The following XIRP2 variants were observed in gnomAD, a reference collection of about 807,000 sequenced individuals.
XIRP2 encodes xin actin binding repeat containing 2.
In XIRP2, 236 loss-of-function variants were observed where a neutral mutation model predicts 277.0. That is an observed-to-expected ratio of 0.85 (90% CI 0.77 to 0.95). The LOEUF (loss-of-function observed/expected upper bound fraction) is 0.95. Among genes scored for constraint, XIRP2 ranks in the 40% least tolerant of loss-of-function variants. The probability of loss-of-function intolerance (pLI) is 0.00; values close to 1 mark genes in which losing one functional copy is unlikely to be tolerated. For synonymous variants in XIRP2, 1,490 were observed against 1,416.5 expected, an observed-to-expected ratio of 1.05 and a Z score of -1.17; for missense variants, 4,640 against 4,157.5, an observed-to-expected ratio of 1.12 and a Z score of -3.19.
chr2:167,083,750 T>C lies in XIRP2; in HGVS notation c.409-52159T>C, dbSNP rs187632345. On this transcript the variant is annotated intron_variant, in intron 2 of 10. Coordinates refer to ENST00000409195, the MANE Select transcript of XIRP2 (RefSeq NM_152381.6). ...TCATGATTTGGCTCTCTGTCTGTTG[T>C]TGGTGTATAAGAATGCTTGTGATTT... 4.6e-3 allele frequency among the ~76,000 whole-genome samples: 706 copies of C among 152,148 alleles called. 5 individuals are homozygous for C. The highest frequency in any genetic ancestry group is 0.017 in the African/African-American group (687 of 41,528).
At chr2:167,149,343 C>G (rs1220169030) in intron 3 of XIRP2, among the ~76,000 whole-genome samples, 1 of 152,078 alleles carries the variant, frequency 6.6e-6, no homozygotes, top group Non-Finnish European at 1.5e-5. Context: ...AGATAAAGTT[C>G]CAGTGAGAAT....
chr2:167,085,809 A>C, intron 2 of XIRP2, among the ~76,000 whole-genome samples: 1 of 151,944 alleles, frequency 6.6e-6, no homozygotes, highest in Non-Finnish European at 1.5e-5. Context: ...ATCTTCCTCC[A>C]TCCTTTTATT....
At chr2:167,099,920 C>T (rs1281167985) in intron 2 of XIRP2, among the ~76,000 whole-genome samples, 2 of 152,154 alleles carry the variant, frequency 1.3e-5, no homozygotes, top group African/African-American at 4.8e-5. Context: ...ATTGATCTCT[C>T]TGGGAGCTGC....
chr2:167,175,462 G>A (rs2105352290), intron 3 of XIRP2, among the ~76,000 whole-genome samples: 1 of 152,262 alleles, frequency 6.6e-6, no homozygotes, highest in Non-Finnish European at 1.5e-5. Context: ...TATCACCAGT[G>A]GAGGCTGCAG....
chr2:166,930,723 G>A (rs1685312903), intron 2 of XIRP2, among the ~76,000 whole-genome samples: 1 of 152,124 alleles, frequency 6.6e-6, no homozygotes, highest in African/African-American at 2.4e-5. Context: ...TCTCTAAAAT[G>A]AGGAGCAAAA....
intron 3 of XIRP2, among the ~76,000 whole-genome samples, chr2:167,178,190 AG>A (rs1406371090): frequency 2.0e-5 from 3 of 152,146 alleles, no homozygotes; most frequent in African/African-American, 7.2e-5. Context: ...AGAACATTTC[AG>A]GATACATGAA....
At chr2:167,010,209 C>T (rs984285043) in intron 2 of XIRP2, among the ~76,000 whole-genome samples, 12 of 152,098 alleles carry the variant, frequency 7.9e-5, no homozygotes, top group South Asian at 2.1e-4. Flanking sequence ...GTAGGTCTAA[C>T]GTTAAAGTCT....
rs201267098 is a variant in XIRP2, at chr2:167,247,336, G to A, written c.5944G>A (p.Gly1982Ser). 239 of 1,613,748 alleles carry A rather than the reference G, an allele frequency of 1.5e-4. No individual in the cohort carries two copies. The African/African-American group carries it at 2.9e-3, about 20-fold the overall frequency. Residue 1982 changes from glycine to serine, a missense_variant, in exon 9 of 11, where the codon GGT becomes AGT. Coordinates refer to ENST00000409195, the MANE Select transcript of XIRP2 (RefSeq NM_152381.6). ...AAATAGTCTTCTTCAGCCAAAGCCA[G>A]GTCCATTTGAGCCAGCGGCCAAGTG... ...NKNSLLQPKPGPFEPAAKWQG... is the reference protein window; with the variant it reads ...NKNSLLQPKPSPFEPAAKWQG...
chr2:167,195,937 C>T (rs951529833), intron 3 of XIRP2, among the ~76,000 whole-genome samples: 1 of 152,126 alleles, frequency 6.6e-6, no homozygotes, highest in Non-Finnish European at 1.5e-5. Context: ...CTTCCATTGA[C>T]CCCCGTATCA....
intron 2 of XIRP2, among the ~76,000 whole-genome samples, chr2:166,986,570 CCTG>C (rs1260248465): frequency 2.0e-5 from 3 of 152,188 alleles, no homozygotes; most frequent in African/African-American, 7.2e-5. Context: ...GCCTTTAGCA[CCTG>C]CTTTCTCTTG....
At chr2:167,041,217 T>A (rs2105520354) in intron 2 of XIRP2, among the ~76,000 whole-genome samples, 1 of 151,874 alleles carries the variant, frequency 6.6e-6, no homozygotes, top group African/African-American at 2.4e-5. Flanking sequence ...TCAGCTCACA[T>A]ATATGAGAAA....
At chr2:166,995,902 C>A (rs577013754) in intron 2 of XIRP2, among the ~76,000 whole-genome samples, 1 of 152,252 alleles carries the variant, frequency 6.6e-6, no homozygotes, top group African/African-American at 2.4e-5. Flanking sequence ...GGCCTACTTT[C>A]CTCAGCTTTC....
intron 2 of XIRP2, among the ~76,000 whole-genome samples, chr2:167,023,795 G>C (rs955148479): frequency 6.6e-6 from 1 of 151,976 alleles, no homozygotes; most frequent in Non-Finnish European, 1.5e-5. Flanking sequence ...TGAGGGATCT[G>C]TTCTGTTCCA....
Position 167,245,303 on chromosome 2 carries a change from T to C in XIRP2, c.3911T>C (p.Val1304Ala), listed in dbSNP as rs769014278. The change falls in exon 9 of 11, where the codon GTA (valine) becomes GCA (alanine). Residue 1304 changes from valine (V) to alanine (A), a missense_variant. Physicochemically the swap from Val to Ala is moderately conservative, Grantham distance 64 (BLOSUM62 0). Coordinates refer to ENST00000409195, the MANE Select transcript of XIRP2 (RefSeq NM_152381.6). ...ACCAAGAAAACAATTACTGAAGAAG[T>C]AATACAGGGTGATGTAAAAAGCTAC... is the stretch of plus-strand genomic sequence containing the variant. ...ISTKKTITEE[V>A]IQGDVKSYRM... is the part of the protein sequence containing the mutation. 1.2e-6 allele frequency: 2 copies of C among 1,613,424 alleles called. No individual in the cohort carries two copies. Among genetic ancestry groups the C allele is most frequent in the Non-Finnish European group, 1.7e-6 (2 of 1,179,660 alleles).
At chr2:166,940,721 T>C (rs1685682436) in intron 2 of XIRP2, among the ~76,000 whole-genome samples, 1 of 152,240 alleles carries the variant, frequency 6.6e-6, no homozygotes, top group East Asian at 1.9e-4. Context: ...CTTCAGACCC[T>C]GTTTGCCTGT....
intron 2 of XIRP2, among the ~76,000 whole-genome samples, chr2:166,977,788 C>T (rs1686754859): frequency 6.6e-6 from 1 of 152,076 alleles, no homozygotes; most frequent in South Asian, 2.1e-4. Context: ...TTACCAGGAC[C>T]TGGTACAGAA....
chr2:166,943,251 A>C lies in XIRP2; in HGVS notation c.408+39361A>C, dbSNP rs527768692. On this transcript the variant is annotated intron_variant, in intron 2 of 10. Coordinates refer to ENST00000409195, the MANE Select transcript of XIRP2 (RefSeq NM_152381.6). ...ACCTTTTTATCTTCATTTATTTTAA[A>C]GCAAAAATAGATAATATATAATCCA... is the stretch of plus-strand genomic sequence containing the variant. Among the ~76,000 whole-genome samples the C allele has an allele frequency of 2.0e-5, 3 of 152,322 alleles. No homozygotes were observed. The East Asian group carries it at 5.8e-4, about 29-fold the overall frequency.
At chr2:167,133,335 A>C (rs1691440892) in intron 2 of XIRP2, among the ~76,000 whole-genome samples, 1 of 152,194 alleles carries the variant, frequency 6.6e-6, no homozygotes, top group South Asian at 2.1e-4. Flanking sequence ...ATCTCTACAC[A>C]GCTGCCTCCT....
intron 2 of XIRP2, among the ~76,000 whole-genome samples, chr2:167,013,928 A>G (rs1422552028): frequency 1.3e-5 from 2 of 151,300 alleles, no homozygotes; most frequent in Non-Finnish European, 3.0e-5. Context: ...AGTATCTAGT[A>G]TCTGTTTCTT....
Sources: gnomAD v4.1 joint callset for allele counts (sites outside exome capture counted in the v4.1 genomes callset) on GRCh38, gnomAD v4.1.1 for gene constraint, MANE v1.5 for transcripts, NCBI Gene and HGNC (gene_info 2026-07-23, HGNC 2026-07-21) for gene names.